The following CARMIL3 variants were observed in gnomAD, a reference collection of about 807,000 sequenced individuals.
CARMIL3 encodes capping protein regulator and myosin 1 linker 3, also known as capping protein, Arp2/3 and myosin-I linker protein 3.
CARMIL3 carries 88 observed loss-of-function variants against 180.8 expected under a neutral mutation model. The observed-to-expected ratio is 0.49, with a 90% CI of 0.41 to 0.58. The LOEUF (loss-of-function observed/expected upper bound fraction) is 0.58. Ranked by LOEUF, CARMIL3 falls within the 20% of genes least tolerant of loss-of-function variation. CARMIL3 has a pLI of 0.00. For missense variants in CARMIL3, 1,548 were observed against 1,787.0 expected (o/e 0.87, Z 2.41); for synonymous variants, 696 against 714.5 (o/e 0.97, Z 0.41).
rs1368916430 is a variant in CARMIL3, at chr14:24,063,469, G to T, written c.2915G>T (p.Arg972Met). Residue 972 changes from arginine to methionine, a missense_variant, in exon 31 of 40, where the codon AGG becomes ATG. Arg to Met is a moderately conservative substitution (Grantham distance 91). This residue lies in a region of CARMIL3 where 668 missense variants were observed against 687.8 expected (regional missense o/e 0.97). Coordinates refer to ENST00000342740, the MANE Select transcript of CARMIL3 (RefSeq NM_138360.4). ...SELPTHGYKL[R>M]HQTQGRPRPP... ...CTGCCCACTCATGGTTACAAACTAA[G>T]GCATCAAACACAAGGGAGGCCCCGC... is the stretch of plus-strand genomic sequence containing the variant. 2 of 1,613,834 alleles carry T rather than the reference G, an allele frequency of 1.2e-6. No homozygotes were observed. The highest frequency in any genetic ancestry group is 4.5e-5 in the East Asian group (2 of 44,870).
intron 27 of CARMIL3, chr14:24,062,269 G>A: frequency 1.7e-6 from 1 of 601,220 alleles, no homozygotes; most frequent in Non-Finnish European, 3.0e-6. Flanking sequence ...ACATAGTTGG[G>A]CTGGGGGCTC....
At position 24,059,465 on chromosome 14, in the gene CARMIL3, CT is replaced by C; in HGVS notation, c.1799+24del. On this transcript the variant is annotated intron_variant, in intron 21 of 39. Transcript: ENST00000342740. This position sits in a 1 kb window ranked among gnomAD's most constrained non-coding sequence, Gnocchi z 6.3. Reference sequence around the variant, plus strand: ...CAGGTGGGGCCCACACCGGGACCCCCTGACCTGGAGCCCCAGCCCCTCCCCA... The same window carrying C: ...CAGGTGGGGCCCACACCGGGACCCCCGACCTGGAGCCCCAGCCCCTCCCCA... 2 of 1,554,558 alleles carry C rather than the reference CT, an allele frequency of 1.3e-6. No homozygotes were observed. Among genetic ancestry groups the C allele is most frequent in the East Asian group, 2.4e-5 (1 of 41,072 alleles).
At chr14:24,053,846 A>AG in intron 2 of CARMIL3, 43 bp downstream of exon 2, 1 of 1,547,514 alleles carries the variant, frequency 6.5e-7, no homozygotes, top group African/African-American at 1.4e-5. Context: ...GTGGCTGGCA[A>AG]GGGCAGCTGG....
rs750698158 is a variant in CARMIL3 at position 24,066,412 on chromosome 14, C to T, written c.3540C>T (p.Asp1180=). 4 of 1,614,204 alleles carry T rather than the reference C, an allele frequency of 2.5e-6. No individual in the cohort carries two copies. In the Admixed American group the frequency reaches 6.7e-5, roughly 27 times the overall value. The change falls in exon 35 of 40, where the codon GAC becomes GAT. Residue 1180 remains aspartate (D), a synonymous_variant. Transcript: ENST00000342740. ...TGTTCTTTCAGGGCCCAGGCCCAGA[C>T]CAGGAGGGCAGCACCCAGGCCTGGC... ...FDGKREGPGP[D]QEGSTQAWQK... is the part of the protein sequence containing the mutation.
In CARMIL3 at chr14:24,061,825, G is replaced by T; in HGVS notation, c.2480+153G>T. On this transcript the variant is annotated intron_variant, in intron 27 of 39. Coordinates refer to ENST00000342740, the MANE Select transcript of CARMIL3 (RefSeq NM_138360.4). This position sits in a 1 kb window ranked among gnomAD's most constrained non-coding sequence, Gnocchi z 4.1. The stretch of plus-strand genomic sequence containing the variant: ...ACCAAGTGCAACCTTGCTATTTAGG[G>T]TCTGGCTGGTCTTTGCCCTAGAAAT... 1.1e-6 allele frequency: 1 copy of T among 914,374 alleles called. No individual in the cohort carries two copies. Among genetic ancestry groups the T allele is most frequent in the Non-Finnish European group, 1.6e-6 (1 of 628,198 alleles). 56.6% of individuals were successfully genotyped at this position (914,374 alleles called of 1,614,324 possible).
At position 24,062,720 on chromosome 14, in the gene CARMIL3, G is replaced by A. The variant is rs765457748; in HGVS notation, c.2580G>A (p.Leu860=). ...CTGCCCTTCCCCAGGCCCGGCACCTGACCCAGCTAAGGACGCTGTCAGATC... is the reference window on the plus strand; with the variant it reads ...CTGCCCTTCCCCAGGCCCGGCACCTAACCCAGCTAAGGACGCTGTCAGATC... ...YHSHKSLARH[L]TQLRTLSDPP... is the part of the protein sequence containing the mutation. Residue 860 remains leucine, a synonymous_variant, in exon 29 of 40, where the codon CTG becomes CTA. Coordinates refer to ENST00000342740, the MANE Select transcript of CARMIL3 (RefSeq NM_138360.4). The A allele has an allele frequency of 6.2e-7, 1 of 1,609,766 alleles. No homozygotes were observed. Among genetic ancestry groups the A allele is most frequent in the African/African-American group, 1.3e-5 (1 of 74,970 alleles).
Position 24,059,604 on chromosome 14 carries a change from C to G in CARMIL3, c.1800-60C>G. The G allele has an allele frequency of 6.3e-7, 1 of 1,592,862 alleles. No homozygotes were observed. On this transcript the variant is annotated intron_variant, in intron 21 of 39. Transcript: ENST00000342740. This position sits in a 1 kb window ranked among gnomAD's most constrained non-coding sequence, Gnocchi z 6.3. ...TTATTGCCCCAAGAGGTTTGTGTCC[C>G]TGGCCCCTAGTAGGGACCCAGGAGG...
In CARMIL3 at chr14:24,059,990, T is replaced by C. The variant is rs2035715359; in HGVS notation, c.1889T>C (p.Met630Thr). The change falls in exon 23 of 40, where the codon ATG becomes ACG. Residue 630 changes from methionine to threonine, a missense_variant. Coordinates refer to ENST00000342740, the MANE Select transcript of CARMIL3 (RefSeq NM_138360.4). The surrounding 1 kb of genome is among the most constrained non-coding windows in gnomAD (Gnocchi z 6.3). ...ALESNHTLRF[M>T]SFPVSDISQA... ...CACAGCAACCACACGCTGCGCTTCA[T>C]GTCCTTCCCCGTGAGCGACATCTCC... 2 of 1,614,012 alleles carry C rather than the reference T, an allele frequency of 1.2e-6. No homozygotes were observed. Among genetic ancestry groups the C allele is most frequent in the Non-Finnish European group, 1.7e-6 (2 of 1,180,014 alleles).
rs1369821518 is a variant in CARMIL3, at chr14:24,064,953, C to A, written c.3081-5C>A. 6.2e-7 allele frequency: 1 copy of A among 1,609,178 alleles called. No homozygotes were observed. Among genetic ancestry groups the A allele is most frequent in the Admixed American group, 1.7e-5 (1 of 58,864 alleles). ...TTGTTGCTAACTTACCCCGATTCTC[C>A]CCAGCTACCCCCGGACTCTGAGGAC... On this transcript the variant is annotated splice_polypyrimidine_tract_variant and splice_region_variant and intron_variant, in intron 32 of 39. Transcript: ENST00000342740.
intron 30 of CARMIL3, 22 bp from the exon 31 acceptor site, chr14:24,063,303 T>A: frequency 6.3e-7 from 1 of 1,595,022 alleles, no homozygotes; most frequent in Non-Finnish European, 8.6e-7. Flanking sequence ...TGCTAGTCCC[T>A]CTAATGCTGC....
chr14:24,061,639 A>G lies in CARMIL3; in HGVS notation c.2447A>G (p.Glu816Gly), dbSNP rs886440626. 1.2e-6 allele frequency: 2 copies of G among 1,613,904 alleles called. No homozygotes were observed. The highest frequency in any genetic ancestry group is 1.7e-5 in the Admixed American group (1 of 59,994). The change falls in exon 27 of 40, where the codon GAG (glutamate) becomes GGG (glycine). Residue 816 changes from glutamate (E) to glycine (G), a missense_variant. This residue lies in a region of CARMIL3 where 297 missense variants were observed against 415.9 expected (regional missense o/e 0.71). Coordinates refer to ENST00000342740, the MANE Select transcript of CARMIL3 (RefSeq NM_138360.4). The surrounding 1 kb of genome is among the most constrained non-coding windows in gnomAD (Gnocchi z 4.1). ...AACTTCATCCGAGGGGCACTGCTGG[A>G]GCAAGCAGGACAGGACATTCAGAAC... is the stretch of plus-strand genomic sequence containing the variant. ...PRNFIRGALL[E>G]QAGQDIQNKL...
chr14:24,054,196 G>T lies in CARMIL3; in HGVS notation c.187-46G>T, dbSNP rs1377963361. On this transcript the variant is annotated intron_variant, in intron 3 of 39. Transcript: ENST00000342740. The surrounding 1 kb of genome is among the most constrained non-coding windows in gnomAD (Gnocchi z 5.1). ...GCATGCTCCCTACCTCCCAAGCCTG[G>T]CAACCCAGGTCCTTACCAGGAGCTG... is the stretch of plus-strand genomic sequence containing the variant. 3 of 1,614,004 alleles carry T rather than the reference G, an allele frequency of 1.9e-6. No homozygotes were observed. Among genetic ancestry groups the T allele is most frequent in the East Asian group, 4.5e-5 (2 of 44,878 alleles).
rs774938621 is a variant in CARMIL3, at chr14:24,056,629, C to A, written c.873C>A (p.Leu291=). 2 of 1,613,950 alleles carry A rather than the reference C, an allele frequency of 1.2e-6. No individual in the cohort carries two copies. Among genetic ancestry groups the A allele is most frequent in the Non-Finnish European group, 1.7e-6 (2 of 1,180,022 alleles). The change falls in exon 12 of 40, where the codon CTC becomes CTA. Residue 291 remains leucine (L), a synonymous_variant. Transcript: ENST00000342740. The stretch of plus-strand genomic sequence containing the variant: ...TCTCTCTCCACTCCCCAGGTTTTCT[C>A]AGTCTGAGCCAGCAGCTCCTCTGCT... ...SHNPIEDKGF[L]SLSQQLLCFP...
chr14:24,065,372 C>A, intron 33 of CARMIL3, 99 bp downstream of exon 33: 1 of 1,235,884 alleles, frequency 8.1e-7, no homozygotes, highest in Non-Finnish European at 1.1e-6. Flanking sequence ...ATGCTAGGAC[C>A]CAGGGTTCTT....
Position 24,062,842 on chromosome 14 carries a change from A to C in CARMIL3, c.2702A>C (p.Asn901Thr). 6.2e-7 allele frequency: 1 copy of C among 1,606,636 alleles called. No individual in the cohort carries two copies. The highest frequency in any genetic ancestry group is 2.2e-5 in the East Asian group (1 of 44,848). Residue 901 changes from asparagine to threonine, a missense_variant, in exon 29 of 40, where the codon AAC (asparagine) becomes ACC (threonine). Transcript: ENST00000342740. ...EETTDDELGT[N>T]IDTMAIKKQK... ...ACCACAGATGATGAACTTGGGACCA[A>C]CATTGTGAGCCCCCCGCTCCCTGCT...
Position 24,060,995 on chromosome 14 carries a change from A to G in CARMIL3, c.2259A>G (p.Glu753=), listed in dbSNP as rs1052710439. The G allele has an allele frequency of 1.9e-6, 3 of 1,551,568 alleles. No homozygotes were observed. The highest frequency in any genetic ancestry group is 2.7e-5 in the African/African-American group (2 of 73,040). ...ATGGGCCTGTGCGGCAGAGGCTGGA[A>G]TCAGTAGCAAGTGAGGTGTCCAAAG... ...ANDGPVRQRL[E]SVASEVSKAV... Residue 753 remains glutamate, a synonymous_variant, in exon 26 of 40, where the codon GAA becomes GAG. Transcript: ENST00000342740.
rs1217529552 is a variant in CARMIL3 at position 24,061,799 on chromosome 14, A to G, written c.2480+127A>G. 2 of 1,050,262 alleles carry G rather than the reference A, an allele frequency of 1.9e-6. No homozygotes were observed. The highest frequency in any genetic ancestry group is 5.2e-5 in the East Asian group (2 of 38,262). The allele number at this position is 1,050,262 out of a possible 1,614,324, so 65.1% of individuals were successfully genotyped here. ...ATCTCCATTACAAGGATCAATCTTT[A>G]ACCAAGTGCAACCTTGCTATTTAGG... On this transcript the variant is annotated intron_variant, in intron 27 of 39. Coordinates refer to ENST00000342740, the MANE Select transcript of CARMIL3 (RefSeq NM_138360.4). The surrounding 1 kb of genome is among the most constrained non-coding windows in gnomAD (Gnocchi z 4.1).
chr14:24,053,736 G>A lies in CARMIL3; in HGVS notation c.68G>A (p.Gly23Glu). 1 of 1,613,376 alleles carries A rather than the reference G, an allele frequency of 6.2e-7. No individual in the cohort carries two copies. Among genetic ancestry groups the A allele is most frequent in the Non-Finnish European group, 8.5e-7 (1 of 1,179,552 alleles). ...QDSIRRCLSQ[G>E]AVLQQHHVKL... ...AGCATCCGGAGGTGCCTGAGCCAAG[G>A]GGCCGTGCTCCAACAACATCATGTG... The change falls in exon 2 of 40, where the codon GGG (glycine) becomes GAG (glutamate). Residue 23 changes from glycine (G) to glutamate (E), a missense_variant. Coordinates refer to ENST00000342740, the MANE Select transcript of CARMIL3 (RefSeq NM_138360.4).
rs2035656819 is a variant in CARMIL3, at chr14:24,054,882, G to A, written c.460+74G>A. ...CATGATCAGAGCCCTTTGTGCACAG[G>A]GTGTTGCCTGGGCGGGCGGGCTTTG... On this transcript the variant is annotated intron_variant, in intron 6 of 39. Coordinates refer to ENST00000342740, the MANE Select transcript of CARMIL3 (RefSeq NM_138360.4). The surrounding 1 kb of genome is among the most constrained non-coding windows in gnomAD (Gnocchi z 5.1). The A allele has an allele frequency of 2.0e-6, 3 of 1,504,006 alleles. No individual in the cohort carries two copies. The South Asian group carries it at 3.5e-5, about 18-fold the overall frequency. 93.2% of individuals were successfully genotyped at this position (1,504,006 alleles called of 1,614,324 possible).
Sources: gnomAD v4.1 joint callset for allele counts on GRCh38, gnomAD v4.1.1 for gene constraint, gnomAD v4.1.1 regional missense constraint, Gnocchi (gnomAD v3.1) non-coding constraint, MANE v1.5 for transcripts, NCBI Gene and HGNC (gene_info 2026-07-23, HGNC 2026-07-21) for gene names.